XXYLT1: variants seen among roughly 807,000 people sequenced by gnomAD.
XXYLT1 encodes the protein xyloside xylosyltransferase 1, also known as UDP-xylose:alpha-xyloside alpha-1,3-xylosyltransferase.
Under a neutral mutation model 28.9 loss-of-function variants are expected in XXYLT1, and 20 were observed. The observed-to-expected ratio is 0.69, with a 90% CI of 0.49 to 1.00. The LOEUF (loss-of-function observed/expected upper bound fraction) is 1.00. XXYLT1 is among the 50% of genes least tolerant of loss of function. The pLI, the probability that XXYLT1 is intolerant of heterozygous loss-of-function variation, is 0.00. For missense variants in XXYLT1, 542 were observed against 560.1 expected, an observed-to-expected ratio of 0.97 and a Z score of 0.33; for synonymous variants, 257 against 253.8, an observed-to-expected ratio of 1.01 and a Z score of -0.12.
intron 2 of XXYLT1, among the ~76,000 whole-genome samples, chr3:195,166,683 T>TA (rs1281505843): frequency 1.1e-4 from 17 of 152,072 alleles, no homozygotes; most frequent in African/African-American, 4.1e-4. Flanking sequence ...TTTTTTTTTT[T>TA]ATTGATTTAT....
At chr3:195,217,977 C>A (rs111972689) in intron 2 of XXYLT1, among the ~76,000 whole-genome samples, 7 of 149,642 alleles carry the variant, frequency 4.7e-5, no homozygotes, top group Non-Finnish European at 1.0e-4. Flanking sequence ...TATAGGCCAA[C>A]GGAACAGAAC....
At chr3:195,116,056 C>T (rs1009805973) in intron 3 of XXYLT1, among the ~76,000 whole-genome samples, 3 of 152,200 alleles carry the variant, frequency 2.0e-5, no homozygotes, top group East Asian at 3.9e-4. Flanking sequence ...TAAGACTCAG[C>T]GACAGGGAGA....
chr3:195,087,866 T>C (rs943580572), intron 3 of XXYLT1, among the ~76,000 whole-genome samples: 16 of 151,854 alleles, frequency 1.1e-4, no homozygotes, highest in African/African-American at 2.4e-4. Flanking sequence ...AAAGCCTCAC[T>C]TGGGAAGCGC....
chr3:195,202,507 C>T (rs926333614), intron 2 of XXYLT1, among the ~76,000 whole-genome samples: 89 of 152,002 alleles, frequency 5.9e-4, no homozygotes, highest in African/African-American at 1.9e-3. Flanking sequence ...CACATGCTGT[C>T]CAATATTATC....
chr3:195,193,889 A>G (rs1722521626), intron 2 of XXYLT1, among the ~76,000 whole-genome samples: 1 of 152,172 alleles, frequency 6.6e-6, no homozygotes, highest in South Asian at 2.1e-4. Flanking sequence ...CACATCATAC[A>G]TAAAAATTAA....
chr3:195,196,965 G>A (rs1345568701), intron 2 of XXYLT1, among the ~76,000 whole-genome samples: 1 of 152,002 alleles, frequency 6.6e-6, no homozygotes, highest in Admixed American at 6.6e-5. Flanking sequence ...TTTAAAACCC[G>A]GTGTTGTCAA....
At position 195,068,872 on chromosome 3, in the gene XXYLT1, G is replaced by A. The variant is rs1484582689; in HGVS notation, c.*843C>T. 2 of 142,066 alleles carry A rather than the reference G, an allele frequency of 1.4e-5. No homozygotes were observed. Among genetic ancestry groups the A allele is most frequent in the African/African-American group, 5.5e-5 (2 of 36,054 alleles). 8.8% of individuals were successfully genotyped at this position (142,066 alleles called of 1,614,324 possible). The stretch of plus-strand genomic sequence containing the variant: ...TGTTGGGATTACAGGCTTGACGACT[G>A]TGCCCGGCCTGGGCTTTTTGGAATG... On this transcript the variant is annotated 3_prime_UTR_variant, in exon 4 of 4. Transcript: ENST00000310380.
At position 195,180,460 on chromosome 3, in the gene XXYLT1, T is replaced by A. The variant is rs183328972; in HGVS notation, c.653-23879A>T. 99 of 985,612 alleles carry A rather than the reference T, an allele frequency of 1.0e-4. No homozygotes were observed. In the African/African-American group the frequency reaches 1.6e-3, roughly 16 times the overall value. 61.1% of individuals were successfully genotyped at this position (985,612 alleles called of 1,614,324 possible). A position where few individuals can be genotyped will look rare whatever the true frequency, so the allele number is the denominator to read the frequency against. On this transcript the variant is annotated intron_variant, in intron 2 of 3. Transcript: ENST00000310380. The surrounding 1 kb of genome is among the most constrained non-coding windows in gnomAD (Gnocchi z 5.8). The stretch of plus-strand genomic sequence containing the variant: ...GCTTTTCTCATTTCATGAACTTCTT[T>A]TGAACAATTTCCTGTTCCTTTTTCT...
intron 2 of XXYLT1, among the ~76,000 whole-genome samples, chr3:195,185,134 GAAGGAAGGAAGGAAGGAAAAAAGA>G (rs1198587925): frequency 7.3e-6 from 1 of 136,598 alleles, no homozygotes; most frequent in Non-Finnish European, 1.6e-5. Context: ...AGGAAGGAAG[GAAGGAAGGAAGGAAGGAAAAAAGA>G]AAAAGAAAAG....
At chr3:195,167,087 G>A (rs376867801) in intron 2 of XXYLT1, among the ~76,000 whole-genome samples, 52 of 152,378 alleles carry the variant, frequency 3.4e-4, no homozygotes, top group African/African-American at 1.1e-3. Flanking sequence ...GCCATACTGC[G>A]TTCTCGCAGC....
chr3:195,156,784 C>T (rs904285810), intron 2 of XXYLT1, among the ~76,000 whole-genome samples: 2 of 152,202 alleles, frequency 1.3e-5, no homozygotes, highest in African/African-American at 2.4e-5. Context: ...AACGACTACC[C>T]GTGTCTTTTC....
intron 3 of XXYLT1, among the ~76,000 whole-genome samples, chr3:195,085,547 G>C (rs1251718194): frequency 6.6e-6 from 1 of 152,232 alleles, no homozygotes; most frequent in African/African-American, 2.4e-5. Flanking sequence ...CAGCAGTGCG[G>C]TCAGAGAGAA....
intron 1 of XXYLT1, among the ~76,000 whole-genome samples, chr3:195,269,378 A>T (rs1725944018): frequency 6.6e-6 from 1 of 152,144 alleles, no homozygotes; most frequent in Non-Finnish European, 1.5e-5. Context: ...GGGTCTAGGG[A>T]CTTTCTCAGG....
chr3:195,160,824 G>C (rs117255018), intron 2 of XXYLT1, among the ~76,000 whole-genome samples: 3 of 152,210 alleles, frequency 2.0e-5, no homozygotes, highest in African/African-American at 7.2e-5. Flanking sequence ...GACCCAGGGC[G>C]TGTCCCCAAG....
intron 2 of XXYLT1, among the ~76,000 whole-genome samples, chr3:195,213,781 G>C (rs899771540): frequency 1.3e-5 from 2 of 152,170 alleles, no homozygotes; most frequent in South Asian, 4.1e-4. Context: ...CTCGGTATCA[G>C]GCCCTGGAAC....
chr3:195,207,112 C>G (rs1440034086), intron 2 of XXYLT1, among the ~76,000 whole-genome samples: 1 of 152,186 alleles, frequency 6.6e-6, no homozygotes, highest in South Asian at 2.1e-4. Flanking sequence ...CCTGGAAGAG[C>G]CACGAGGGCA....
Position 195,124,977 on chromosome 3 carries a change from A to C in XXYLT1, c.785+31472T>G, listed in dbSNP as rs2043014174. Among the ~76,000 whole-genome samples, 1 of 152,258 alleles carries C rather than the reference A, an allele frequency of 6.6e-6. No individual in the cohort carries two copies. The highest frequency in any genetic ancestry group is 2.4e-5 in the African/African-American group (1 of 41,466). ...GAGCAGTACGAATAAATGGCATCTC[A>C]GCTTCTTTCAAGCTAACCCATTCTT... On this transcript the variant is annotated intron_variant, in intron 3 of 3. Transcript: ENST00000310380. The surrounding 1 kb of genome is among the most constrained non-coding windows in gnomAD (Gnocchi z 4.1).
intron 1 of XXYLT1, among the ~76,000 whole-genome samples, chr3:195,253,819 G>A (rs1436732269): frequency 2.0e-5 from 3 of 152,154 alleles, no homozygotes; most frequent in African/African-American, 7.2e-5. Context: ...TCTGATCAAA[G>A]CGAAAGCCAC....
intron 2 of XXYLT1, among the ~76,000 whole-genome samples, chr3:195,199,653 TA>T (rs954623986): frequency 1.3e-5 from 2 of 152,062 alleles, no homozygotes; most frequent in Non-Finnish European, 2.9e-5. Flanking sequence ...CACAAAGGCC[TA>T]GAGCTAAGGA....
Sources: allele counts gnomAD v4.1 joint callset (sites outside exome capture counted in the v4.1 genomes callset), GRCh38; gene constraint gnomAD v4.1.1; non-coding constraint Gnocchi (gnomAD v3.1); transcripts MANE v1.5; gene names NCBI Gene and HGNC (gene_info 2026-07-23, HGNC 2026-07-21).